The following HMOX1 variants were observed in gnomAD, a reference collection of about 807,000 sequenced individuals.
The protein encoded by HMOX1 is heat shock protein, 32-kD.
Under a neutral mutation model 27.8 loss-of-function variants are expected in HMOX1, and 22 were observed. That is an observed-to-expected ratio of 0.79 (90% CI 0.57 to 1.13). HMOX1 has a LOEUF of 1.13. Ranked by LOEUF, HMOX1 falls within the 50% of genes most tolerant of loss-of-function variation. The pLI, the probability that HMOX1 is intolerant of heterozygous loss-of-function variation, is 0.00. For missense variants in HMOX1, 379 were observed against 377.7 expected, an observed-to-expected ratio of 1.00 and a Z score of -0.03; for synonymous variants, 153 against 151.6, an observed-to-expected ratio of 1.01 and a Z score of -0.07.
intron 4 of HMOX1, among the ~76,000 whole-genome samples, chr22:35,391,585 C>CATTTTTTTTTTTTTTTT (rs372077518): frequency 8.9e-6 from 1 of 112,464 alleles, no homozygotes; most frequent in Non-Finnish European, 1.7e-5. Context: ...CCGCGCCCGG[C>CATTTTTTTTTTTTTTTT]CTTTTTTTTT....
chr22:35,388,767 A>G (rs896857753), intron 3 of HMOX1, among the ~76,000 whole-genome samples: 2 of 151,036 alleles, frequency 1.3e-5, no homozygotes, highest in Non-Finnish European at 2.9e-5. Context: ...ACTGCACTCC[A>G]GCCTGGGAGA....
intron 3 of HMOX1, among the ~76,000 whole-genome samples, chr22:35,389,191 T>TTC (rs1250900480): frequency 4.9e-5 from 6 of 123,280 alleles, no homozygotes; most frequent in African/African-American, 2.3e-4. Context: ...GATATGAATT[T>TTC]TCTTTCTTTC....
Position 35,393,701 on chromosome 22 carries a change from A to G in HMOX1, c.*103A>G, listed in dbSNP as rs1172733959. 7.2e-6 allele frequency: 10 copies of G among 1,397,020 alleles called. No homozygotes were observed. The highest frequency in any genetic ancestry group is 9.1e-6 in the Non-Finnish European group (9 of 985,892). The allele number at this position is 1,397,020 out of a possible 1,614,324, so 86.5% of individuals were successfully genotyped here. On this transcript the variant is annotated 3_prime_UTR_variant, in exon 5 of 5. Transcript: ENST00000216117. ...CTGGCTTCCTTACCGTGGGCACTGA[A>G]GGCTTTCAGGGCCTCCAGCCCTCTC...
At chr22:35,391,913 GT>G (rs1183522821) in intron 4 of HMOX1, among the ~76,000 whole-genome samples, 2 of 151,950 alleles carry the variant, frequency 1.3e-5, no homozygotes, top group Non-Finnish European at 2.9e-5. Context: ...GTGCCTGTAT[GT>G]TCTTGTATGT....
At chr22:35,389,331 T>C (rs1601743259) in intron 3 of HMOX1, among the ~76,000 whole-genome samples, 1 of 126,418 alleles carries the variant, frequency 7.9e-6, no homozygotes, top group East Asian at 2.1e-4. Flanking sequence ...TCTTTCTTTC[T>C]TTCTTTCTTC....
At chr22:35,393,161 CA>C (rs2145773150) in intron 4 of HMOX1, among the ~76,000 whole-genome samples, 1 of 152,310 alleles carries the variant, frequency 6.6e-6, no homozygotes, top group African/African-American at 2.4e-5. Flanking sequence ...TAATTGCTGG[CA>C]AAGTTTAAGG....
intron 4 of HMOX1, among the ~76,000 whole-genome samples, chr22:35,390,629 C>T (rs1042493107): frequency 2.6e-5 from 4 of 152,216 alleles, no homozygotes; most frequent in South Asian, 2.1e-4. Context: ...CTCCCTACCT[C>T]AGTTTCCCCA....
chr22:35,391,487 C>T (rs1482521268), intron 4 of HMOX1, among the ~76,000 whole-genome samples: 1 of 150,824 alleles, frequency 6.6e-6, no homozygotes, highest in Non-Finnish European at 1.5e-5. Flanking sequence ...CGGGGTTTCA[C>T]TGTGTTAGCC....
At chr22:35,382,009 T>C (rs1931397204) in intron 1 of HMOX1, among the ~76,000 whole-genome samples, 1 of 152,164 alleles carries the variant, frequency 6.6e-6, no homozygotes, top group Non-Finnish European at 1.5e-5. Context: ...TTCTCAGGCT[T>C]TTTAACCCTG....
chr22:35,393,443 G>A, intron 4 of HMOX1, 25 bp from the exon 5 acceptor site: 1 of 1,613,980 alleles, frequency 6.2e-7, no homozygotes, highest in Non-Finnish European at 8.5e-7. Flanking sequence ...ACCTGTTAAT[G>A]ACCTTGCCCC....
intron 4 of HMOX1, among the ~76,000 whole-genome samples, chr22:35,390,787 G>A (rs903508469): frequency 1.3e-5 from 2 of 152,120 alleles, no homozygotes; most frequent in African/African-American, 2.4e-5. Context: ...AGGGAGTTGG[G>A]GACCTGTATC....
At position 35,381,161 on chromosome 22, in the gene HMOX1, C is replaced by G; in HGVS notation, c.-13C>G. The G allele has an allele frequency of 6.5e-7, 1 of 1,542,348 alleles. No homozygotes were observed. The stretch of plus-strand genomic sequence containing the variant: ...CCCGCGGAGCCAGCACGAACGAGCC[C>G]AGCACCGGCCGGATGGAGCGTCCGC... On this transcript the variant is annotated 5_prime_UTR_variant, in exon 1 of 5. Coordinates refer to ENST00000216117, the MANE Select transcript of HMOX1 (RefSeq NM_002133.3).
At position 35,389,932 on chromosome 22, in the gene HMOX1, G is replaced by A; in HGVS notation, c.705G>A (p.Gly235=). Residue 235 remains glycine, a synonymous_variant, in exon 4 of 5, where the codon GGG becomes GGA. Transcript: ENST00000216117. ...ACCAGAGCCCCTCACGGGCACCAGG[G>A]CTTCGCCAGCGGGCCAGCAACAAAG... is the stretch of plus-strand genomic sequence containing the variant. The part of the protein sequence containing the change: ...TKDQSPSRAP[G]LRQRASNKVQ... 1 of 1,611,898 alleles carries A rather than the reference G, an allele frequency of 6.2e-7. No homozygotes were observed. The highest frequency in any genetic ancestry group is 8.5e-7 in the Non-Finnish European group (1 of 1,179,738).
chr22:35,384,184 C>T (rs1006001064), intron 2 of HMOX1, among the ~76,000 whole-genome samples: 1 of 152,030 alleles, frequency 6.6e-6, no homozygotes, highest in African/African-American at 2.4e-5. Context: ...TAAGTTCAAG[C>T]GATTCTCCTG....
At position 35,393,846 on chromosome 22, in the gene HMOX1, A is replaced by G; in HGVS notation, c.*248A>G. 2.0e-6 allele frequency: 1 copy of G among 495,090 alleles called. No homozygotes were observed. The highest frequency in any genetic ancestry group is 3.7e-6 in the Non-Finnish European group (1 of 270,038). 30.7% of individuals were successfully genotyped at this position (495,090 alleles called of 1,614,324 possible). On this transcript the variant is annotated 3_prime_UTR_variant, in exon 5 of 5. Coordinates refer to ENST00000216117, the MANE Select transcript of HMOX1 (RefSeq NM_002133.3). ...GAAGGGATCAGCCCTGCCCTTCAGC[A>G]TCCTCAGTTCCTGCAGCAGAGCCTG...
intron 4 of HMOX1, chr22:35,390,374 C>T (rs1473784868): frequency 1.0e-5 from 3 of 292,096 alleles, no homozygotes; most frequent in African/African-American, 6.6e-5. Context: ...CAGGCGCCCA[C>T]CACCATGCCT....
chr22:35,389,942 C>G lies in HMOX1; in HGVS notation c.715C>G (p.Arg239Gly). The change falls in exon 4 of 5, where the codon CGG (arginine) becomes GGG (glycine). Residue 239 changes from arginine (R) to glycine (G), a missense_variant. Coordinates refer to ENST00000216117, the MANE Select transcript of HMOX1 (RefSeq NM_002133.3). Reference protein sequence around the residue: ...SPSRAPGLRQRASNKVQDSAP... With the variant: ...SPSRAPGLRQGASNKVQDSAP... The stretch of plus-strand genomic sequence containing the variant: ...CTCACGGGCACCAGGGCTTCGCCAG[C>G]GGGCCAGCAACAAAGTGCAAGGTGA... 1 of 1,611,150 alleles carries G rather than the reference C, an allele frequency of 6.2e-7. No homozygotes were observed. Among genetic ancestry groups the G allele is most frequent in the Non-Finnish European group, 8.5e-7 (1 of 1,179,324 alleles).
In HMOX1 at chr22:35,381,317, C is replaced by T; in HGVS notation, c.23+121C>T. The T allele has an allele frequency of 4.9e-6, 6 of 1,235,534 alleles. No homozygotes were observed. The South Asian group carries it at 6.5e-5, about 13-fold the overall frequency. 76.5% of individuals were successfully genotyped at this position (1,235,534 alleles called of 1,614,324 possible). Reference sequence around the variant, plus strand: ...AGCCCAGGAGCCAGAAACTTGGGCTCTGGAGTCAGGAGGTGCGGGGTTCTG... The same window carrying T: ...AGCCCAGGAGCCAGAAACTTGGGCTTTGGAGTCAGGAGGTGCGGGGTTCTG... On this transcript the variant is annotated intron_variant, in intron 1 of 4. Transcript: ENST00000216117.
rs1931628891 is a variant in HMOX1 at position 35,389,361 on chromosome 22, TTCCTTCCTTCCTTC to T, written c.637-502_637-489del. Reference sequence around the variant, plus strand: ...TTCTTCTCCTTCCTTCCTTCCTTCCTTCCTTCCTTCCTTCCTTCCTTCCTTCCTTCCTTCCTTTC... The same window carrying T: ...TTCTTCTCCTTCCTTCCTTCCTTCCTCTTCCTTCCTTCCTTCCTTCCTTTC... On this transcript the variant is annotated intron_variant, in intron 3 of 4. Transcript: ENST00000216117. Among the ~76,000 whole-genome samples, 2 of 55,462 alleles carry T rather than the reference TTCCTTCCTTCCTTC, an allele frequency of 3.6e-5. 1 individual carries two copies. The highest frequency in any genetic ancestry group is 3.3e-4 in the African/African-American group (2 of 6,036). The allele number at this position is 55,462 out of a possible 152,430, so 36.4% of individuals were successfully genotyped here.
Sources: allele counts gnomAD v4.1 joint callset (sites outside exome capture counted in the v4.1 genomes callset), GRCh38; gene constraint gnomAD v4.1.1; transcripts MANE v1.5; gene names NCBI Gene and HGNC (gene_info 2026-07-23, HGNC 2026-07-21).